DNTTIP2: variants seen among roughly 807,000 people sequenced by gnomAD.
DNTTIP2 encodes the protein deoxynucleotidyltransferase terminal interacting protein 2.
DNTTIP2 carries 47 observed loss-of-function variants against 62.4 expected under a neutral mutation model. That is an observed-to-expected ratio of 0.75 (90% confidence interval 0.60 to 0.96). The LOEUF (loss-of-function observed/expected upper bound fraction) is 0.96. Among genes scored for constraint, DNTTIP2 ranks in the 40% least tolerant of loss-of-function variants. The pLI is 0.00. For synonymous variants in DNTTIP2, 322 were observed against 300.9 expected, an observed-to-expected ratio of 1.07 and a Z score of -0.73; for missense variants, 870 against 849.1, an observed-to-expected ratio of 1.02 and a Z score of -0.31.
At chr1:93,870,414 T>C (rs1428473474) in intron 6 of DNTTIP2, among the ~76,000 whole-genome samples, 2 of 152,122 alleles carry the variant, frequency 1.3e-5, no homozygotes, top group African/African-American at 4.8e-5. Context: ...ATTAATCGCT[T>C]TTTTCACCCT....
In DNTTIP2 at chr1:93,879,135, C is replaced by G; in HGVS notation, c.14G>C (p.Arg5Thr). Residue 5 changes from arginine (R) to threonine (T), a missense_variant, in exon 1 of 7, where the codon AGA (arginine) becomes ACA (threonine). Transcript: ENST00000436063. MVVT[R>T]SARAKASIQA... ...GATGCTGGCCTTAGCCCGTGCAGATCTGGTAACCACCATCTTTCCGGCTCC... is the reference window on the plus strand; with the variant it reads ...GATGCTGGCCTTAGCCCGTGCAGATGTGGTAACCACCATCTTTCCGGCTCC... The G allele has an allele frequency of 6.2e-7, 1 of 1,613,344 alleles. No homozygotes were observed. Among genetic ancestry groups the G allele is most frequent in the Non-Finnish European group, 8.5e-7 (1 of 1,179,798 alleles).
intron 1 of DNTTIP2, among the ~76,000 whole-genome samples, chr1:93,878,200 A>G (rs1656066187): frequency 6.6e-6 from 1 of 152,098 alleles, no homozygotes; most frequent in Non-Finnish European, 1.5e-5. Context: ...ACTACTCAGG[A>G]GCCTGAGGCA....
chr1:93,879,051 G>C (rs12080386), intron 1 of DNTTIP2, 26 bp downstream of exon 1: 45,925 of 1,612,448 alleles, frequency 0.028, 2,565 homozygotes, highest in African/African-American at 0.24. Flanking sequence ...GAAGCGGCGA[G>C]AAGTAGGGAA....
At chr1:93,870,493 G>C (rs1655830992) in intron 6 of DNTTIP2, among the ~76,000 whole-genome samples, 190 bp downstream of exon 6, 1 of 152,018 alleles carries the variant, frequency 6.6e-6, no homozygotes. Context: ...GCAGGTATGA[G>C]CCTCTGTCTT....
chr1:93,876,269 G>T lies in DNTTIP2; in HGVS notation c.1666C>A (p.Leu556Ile). The change falls in exon 2 of 7, where the codon CTT (leucine) becomes ATT (isoleucine). Residue 556 changes from leucine (L) to isoleucine (I), a missense_variant and splice_region_variant. Coordinates refer to ENST00000436063, the MANE Select transcript of DNTTIP2 (RefSeq NM_014597.5). ...TATAAAAATAAAGGAAAAACTTACA[G>T]TTTAGCCTTTGTGCTATTTAGGAAG... Reference protein sequence around the residue: ...EDFLNSTKAKLLKLTSSSIDP... With the variant: ...EDFLNSTKAKILKLTSSSIDP... 6.6e-7 allele frequency: 1 copy of T among 1,520,892 alleles called. No homozygotes were observed. The allele number at this position is 1,520,892 out of a possible 1,614,324, so 94.2% of individuals were successfully genotyped here. A position where few individuals can be genotyped will look rare whatever the true frequency, so the allele number is the denominator to read the frequency against.
intron 1 of DNTTIP2, among the ~76,000 whole-genome samples, chr1:93,878,324 A>G (rs1557720111): frequency 6.6e-6 from 1 of 152,136 alleles, no homozygotes; most frequent in Non-Finnish European, 1.5e-5. Context: ...AAACAAAAAA[A>G]TCAAAATTTA....
Position 93,877,474 on chromosome 1 carries a change from A to G in DNTTIP2, c.461T>C (p.Val154Ala). The G allele has an allele frequency of 6.2e-7, 1 of 1,613,932 alleles. No homozygotes were observed. The highest frequency in any genetic ancestry group is 8.5e-7 in the Non-Finnish European group (1 of 1,179,878). The part of the protein sequence containing the change: ...ESHVSGISRI[V>A]LPTEKTTGAR... Reference sequence around the variant, plus strand: ...TCCTGTAGTTTTTTCTGTAGGAAGCACAATTCTAGAAATACCTGAAACATG... The same window carrying G: ...TCCTGTAGTTTTTTCTGTAGGAAGCGCAATTCTAGAAATACCTGAAACATG... The change falls in exon 2 of 7, where the codon GTG becomes GCG. Residue 154 changes from valine to alanine, a missense_variant. Physicochemically the swap from Val to Ala is moderately conservative, Grantham distance 64. Transcript: ENST00000436063.
Position 93,873,168 on chromosome 1 carries a change from C to A in DNTTIP2, c.1853G>T (p.Cys618Phe). Reference sequence around the variant, plus strand: ...CTTTGATTCACTATATGGTGGAACACAGTGGTTTTTTTCAAAATCAGGTGT... The same window carrying A: ...CTTTGATTCACTATATGGTGGAACAAAGTGGTTTTTTTCAAAATCAGGTGT... ...VITPDFEKNH[C>F]VPPYSESKYQ... Residue 618 changes from cysteine (C) to phenylalanine (F), a missense_variant, in exon 4 of 7, where the codon TGT becomes TTT. By Grantham distance (205) the Cys-to-Phe change is radical. Transcript: ENST00000436063. 5 of 1,612,880 alleles carry A rather than the reference C, an allele frequency of 3.1e-6. No individual in the cohort carries two copies. The highest frequency in any genetic ancestry group is 4.2e-6 in the Non-Finnish European group (5 of 1,179,360).
At position 93,877,243 on chromosome 1, in the gene DNTTIP2, C is replaced by T; in HGVS notation, c.692G>A (p.Gly231Asp). 1 of 1,613,880 alleles carries T rather than the reference C, an allele frequency of 6.2e-7. No homozygotes were observed. Among genetic ancestry groups the T allele is most frequent in the Non-Finnish European group, 8.5e-7 (1 of 1,179,868 alleles). Residue 231 changes from glycine (G) to aspartate (D), a missense_variant, in exon 2 of 7, where the codon GGT becomes GAT. Coordinates refer to ENST00000436063, the MANE Select transcript of DNTTIP2 (RefSeq NM_014597.5). ...IVPGNEKQIV[G>D]TPVNSEDSDT... The stretch of plus-strand genomic sequence containing the variant: ...TGAATCCTCTGAATTCACAGGTGTA[C>T]CCACGATCTGTTTCTCATTTCCTGG...
chr1:93,872,074 G>T lies in DNTTIP2; in HGVS notation c.2065C>A (p.Gln689Lys), dbSNP rs1323977401. The change falls in exon 5 of 7, where the codon CAG (glutamine) becomes AAG (lysine). Residue 689 changes from glutamine to lysine, a missense_variant and splice_region_variant. By Grantham distance (53) the Gln-to-Lys change is moderately conservative (BLOSUM62 1). Transcript: ENST00000436063. ...NDRDGFPKYF[Q>K]IGTIVDNPAD... ...CCACTATTCTGTTTGCTTCATACCT[G>T]GAAGTACTTGGGGAAGCCATCTCTA... 6.2e-7 allele frequency: 1 copy of T among 1,613,626 alleles called. No homozygotes were observed. Among genetic ancestry groups the T allele is most frequent in the South Asian group, 1.1e-5 (1 of 91,062 alleles).
intron 5 of DNTTIP2, 72 bp from the exon 6 acceptor site, chr1:93,870,864 T>A: frequency 1.5e-6 from 1 of 678,336 alleles, no homozygotes; most frequent in Non-Finnish European, 2.3e-6. Flanking sequence ...GTAGCTCTAA[T>A]TATATTTAGA....
In DNTTIP2 at chr1:93,877,209, T is replaced by C. The variant is rs192150999; in HGVS notation, c.726A>G (p.Arg242=). 1.3e-3 allele frequency: 2,084 copies of C among 1,613,926 alleles called. 5 individuals carry two copies. The highest frequency in any genetic ancestry group is 1.6e-3 in the Non-Finnish European group (1,879 of 1,179,886). ...TPVNSEDSDT[R]QTSHLQARSL... is the part of the protein sequence containing the mutation. ...ATCTTGCTTGTAAATGGGAAGTTTG[T>C]CTGGTATCTGAATCCTCTGAATTCA... is the stretch of plus-strand genomic sequence containing the variant. The change falls in exon 2 of 7, where the codon AGA becomes AGG. Residue 242 remains arginine, a synonymous_variant. Coordinates refer to ENST00000436063, the MANE Select transcript of DNTTIP2 (RefSeq NM_014597.5).
chr1:93,872,238 TGAAATTATGATTTCA>T lies in DNTTIP2; in HGVS notation c.1903-17_1903-3del, dbSNP rs768802707. ...CCCTGCTGTTTTTTGTCGTTCTTTCTGAAATTATGATTTCAAAAATAAACATTCTAACAGCTAAGA... is the reference window on the plus strand; with the variant it reads ...CCCTGCTGTTTTTTGTCGTTCTTTCTAAAATAAACATTCTAACAGCTAAGA... On this transcript the variant is annotated splice_polypyrimidine_tract_variant and splice_region_variant and intron_variant, in intron 4 of 6. Coordinates refer to ENST00000436063, the MANE Select transcript of DNTTIP2 (RefSeq NM_014597.5). 131 of 1,612,522 alleles carry T rather than the reference TGAAATTATGATTTCA, an allele frequency of 8.1e-5. No homozygotes were observed. Among genetic ancestry groups the T allele is most frequent in the Non-Finnish European group, 1.1e-5 (13 of 1,179,462 alleles).
rs752705165 is a variant in DNTTIP2, at chr1:93,870,720, T to C, written c.2140A>G (p.Ile714Val). 7.0e-6 allele frequency: 11 copies of C among 1,573,572 alleles called. No individual in the cohort carries two copies. The highest frequency in any genetic ancestry group is 1.7e-4 in the Middle Eastern group (1 of 5,994). Residue 714 changes from isoleucine to valine, a missense_variant, in exon 6 of 7, where the codon ATT becomes GTT. By Grantham distance (29) the Ile-to-Val change is conservative. Coordinates refer to ENST00000436063, the MANE Select transcript of DNTTIP2 (RefSeq NM_014597.5). ...RIPKKQRKRT[I>V]VEELLADSEF... ...GAATCAGCCAGCAGTTCTTCCACAATAGTTCTTTTCCTTTGCTTCTTGGGA... is the reference window on the plus strand; with the variant it reads ...GAATCAGCCAGCAGTTCTTCCACAACAGTTCTTTTCCTTTGCTTCTTGGGA...
intron 5 of DNTTIP2, chr1:93,871,123 C>T (rs766650802): frequency 3.5e-4 from 58 of 167,104 alleles, no homozygotes; most frequent in Non-Finnish European, 5.8e-4. Context: ...CACATAAATT[C>T]TACTACATAC....
Position 93,877,595 on chromosome 1 carries a change from T to C in DNTTIP2, c.340A>G (p.Ile114Val). ...LRVTRRRQIL[I>V]ACSPVSSVRK... is the part of the protein sequence containing the mutation. Reference sequence around the variant, plus strand: ...ACACTGGACACTGGGGAGCATGCAATTAAGATCTGCCTTCTCCTAGTTACC... The same window carrying C: ...ACACTGGACACTGGGGAGCATGCAACTAAGATCTGCCTTCTCCTAGTTACC... The change falls in exon 2 of 7, where the codon ATT becomes GTT. Residue 114 changes from isoleucine (I) to valine (V), a missense_variant. Physicochemically the swap from Ile to Val is conservative, Grantham distance 29. Transcript: ENST00000436063. The C allele has an allele frequency of 6.2e-7, 1 of 1,613,998 alleles. No individual in the cohort carries two copies. Among genetic ancestry groups the C allele is most frequent in the Non-Finnish European group, 8.5e-7 (1 of 1,179,894 alleles).
Position 93,869,726 on chromosome 1 carries a change from C to A in DNTTIP2, c.*125G>T. 3.3e-6 allele frequency: 2 copies of A among 599,964 alleles called. No individual in the cohort carries two copies. The highest frequency in any genetic ancestry group is 4.5e-5 in the South Asian group (2 of 44,704). 37.2% of individuals were successfully genotyped at this position (599,964 alleles called of 1,614,324 possible). ...TTCTCAAATCAACTTTTTCCAAATA[C>A]AAATTCCTGTATGAACAGGGCCAGT... is the stretch of plus-strand genomic sequence containing the variant. On this transcript the variant is annotated 3_prime_UTR_variant, in exon 7 of 7. Coordinates refer to ENST00000436063, the MANE Select transcript of DNTTIP2 (RefSeq NM_014597.5).
At chr1:93,871,535 T>C (rs748164208) in intron 5 of DNTTIP2, among the ~76,000 whole-genome samples, 4 of 152,176 alleles carry the variant, frequency 2.6e-5, no homozygotes, top group South Asian at 2.1e-4. Context: ...GGTATGTACG[T>C]GTTCTGACAA....
intron 6 of DNTTIP2, 102 bp from the exon 7 acceptor site, chr1:93,870,046 T>C (rs1240388572): frequency 2.3e-5 from 15 of 651,116 alleles, no homozygotes; most frequent in Non-Finnish European, 4.2e-5. Context: ...ACAAGACAAG[T>C]ATAGTCTCTG....
Sources: allele counts gnomAD v4.1 joint callset (sites outside exome capture counted in the v4.1 genomes callset), GRCh38; gene constraint gnomAD v4.1.1; transcripts MANE v1.5; gene names NCBI Gene and HGNC (gene_info 2026-07-23, HGNC 2026-07-21).